The following BRDT variants were observed in gnomAD, a reference collection of about 807,000 sequenced individuals.
BRDT encodes bromodomain testis associated.
Under a neutral mutation model 113.9 loss-of-function variants are expected in BRDT, and 77 were observed. The ratio of observed to expected loss-of-function variants is 0.68; its 90% CI spans 0.56 to 0.82. BRDT has a LOEUF of 0.82. Ranked by LOEUF, BRDT falls within the 40% of genes least tolerant of loss-of-function variation. The probability of loss-of-function intolerance (pLI) is 0.00; values close to 1 mark genes in which losing one functional copy is unlikely to be tolerated. For synonymous variants in BRDT, 358 were observed against 366.5 expected (o/e 0.98, Z 0.26); for missense variants, 1,027 against 1,105.4 (o/e 0.93, Z 1.01).
At chr1:92,011,722 A>C (rs1188519432) in intron 18 of BRDT, among the ~76,000 whole-genome samples, 1 of 152,154 alleles carries the variant, frequency 6.6e-6, no homozygotes, top group Non-Finnish European at 1.5e-5. Context: ...CTAGGAACCC[A>C]CTGAAAGCTG....
At chr1:91,990,440 A>T (rs1685650984) in intron 12 of BRDT, among the ~76,000 whole-genome samples, 1 of 152,146 alleles carries the variant, frequency 6.6e-6, no homozygotes, top group South Asian at 2.1e-4. Flanking sequence ...CTTATAGTAA[A>T]TTCTTTATTT....
intron 1 of BRDT, among the ~76,000 whole-genome samples, chr1:91,961,107 TC>T (rs1366817703): frequency 6.6e-6 from 1 of 152,106 alleles, no homozygotes; most frequent in Non-Finnish European, 1.5e-5. Context: ...GGTCAGGAGT[TC>T]CAGACCAGCT....
chr1:91,975,123 G>C (rs1314176600), intron 4 of BRDT, among the ~76,000 whole-genome samples: 1 of 152,082 alleles, frequency 6.6e-6, no homozygotes, highest in Non-Finnish European at 1.5e-5. Flanking sequence ...ACACACCGGG[G>C]CCTGTCGTGG....
At chr1:92,000,524 CTCT>C (rs1198744969) in intron 15 of BRDT, among the ~76,000 whole-genome samples, 3 of 152,192 alleles carry the variant, frequency 2.0e-5, no homozygotes, top group African/African-American at 2.4e-5. Context: ...GTTCCTTGCT[CTCT>C]TCTTCTAACC....
chr1:91,977,474 A>G, intron 6 of BRDT, 81 bp downstream of exon 6: 1 of 1,200,774 alleles, frequency 8.3e-7, no homozygotes, highest in Non-Finnish European at 1.2e-6. Flanking sequence ...CTTAAAATCT[A>G]GAAAAAGATG....
chr1:91,962,778 A>T lies in BRDT; in HGVS notation c.24A>T (p.Thr8=), dbSNP rs1161986971. ...GAATGTCTCTGCCAAGTCGACAAAC[A>T]GCTATTATTGTTAACCCTCCTCCAC... The part of the protein sequence containing the change: MSLPSRQ[T]AIIVNPPPPE... Residue 8 remains threonine (T), a synonymous_variant, in exon 2 of 19, where the codon ACA becomes ACT. Coordinates refer to ENST00000399546, the MANE Select transcript of BRDT (RefSeq NM_207189.4). 6.3e-7 allele frequency: 1 copy of T among 1,596,782 alleles called. No individual in the cohort carries two copies. Among genetic ancestry groups the T allele is most frequent in the East Asian group, 2.2e-5 (1 of 44,470 alleles).
chr1:92,000,511 G>A (rs968202339), intron 15 of BRDT, among the ~76,000 whole-genome samples: 1 of 152,158 alleles, frequency 6.6e-6, no homozygotes, highest in African/African-American at 2.4e-5. Flanking sequence ...GCTATTCCTT[G>A]ATGTTCCTTG....
At chr1:92,013,565 G>A (rs943900194) in intron 18 of BRDT, among the ~76,000 whole-genome samples, 4 of 152,166 alleles carry the variant, frequency 2.6e-5, no homozygotes, top group Non-Finnish European at 4.4e-5. Flanking sequence ...GTTAGAAAAG[G>A]CTTCAGAATA....
intron 1 of BRDT, among the ~76,000 whole-genome samples, chr1:91,953,185 T>C (rs908608389): frequency 6.6e-6 from 1 of 150,756 alleles, no homozygotes; most frequent in African/African-American, 2.4e-5. Flanking sequence ...CAGAAACTAT[T>C]TTCTCCCTTG....
chr1:91,950,989 C>T (rs922012083), intron 1 of BRDT, among the ~76,000 whole-genome samples: 5 of 150,742 alleles, frequency 3.3e-5, no homozygotes, highest in African/African-American at 4.9e-5. Flanking sequence ...GATCGGGCCA[C>T]TGCACTCTAG....
At chr1:92,013,354 T>A (rs1363396331) in intron 18 of BRDT, among the ~76,000 whole-genome samples, 4 of 152,210 alleles carry the variant, frequency 2.6e-5, no homozygotes, top group African/African-American at 9.6e-5. Context: ...TTTCAGTAGG[T>A]AAATCACAAT....
intron 15 of BRDT, among the ~76,000 whole-genome samples, chr1:91,998,309 G>A (rs887226376): frequency 1.3e-5 from 2 of 152,024 alleles, no homozygotes; most frequent in African/African-American, 4.8e-5. Context: ...TGAACACTGA[G>A]AGCACATGGA....
intron 4 of BRDT, among the ~76,000 whole-genome samples, chr1:91,968,584 T>C (rs1278162341): frequency 1.3e-5 from 2 of 152,186 alleles, no homozygotes; most frequent in Non-Finnish European, 2.9e-5. Context: ...CTGATAAGAA[T>C]GCCCAAATTG....
rs1338740638 is a variant in BRDT, at chr1:91,984,052, TGTTA to T, written c.2002+2301_2002+2304del. On this transcript the variant is annotated intron_variant, in intron 12 of 18. Transcript: ENST00000399546. ...ACAAGGTCAATTTGTCTTCTGATAA[TGTTA>T]GTTGTTTATTTTTGAAATTTTAATT... Among the ~76,000 whole-genome samples, 48 of 152,380 alleles carry T rather than the reference TGTTA, an allele frequency of 3.2e-4. No individual in the cohort carries two copies. The East Asian group carries it at 5.4e-3, about 17-fold the overall frequency.
At chr1:91,952,932 G>C (rs887322853) in intron 1 of BRDT, among the ~76,000 whole-genome samples, 1 of 152,026 alleles carries the variant, frequency 6.6e-6, no homozygotes, top group African/African-American at 2.4e-5. Flanking sequence ...TCATTGTAAG[G>C]AATATTGTAA....
intron 14 of BRDT, 88 bp from the exon 15 acceptor site, chr1:91,993,995 T>C (rs1373734588): frequency 1.9e-6 from 2 of 1,071,526 alleles, no homozygotes; most frequent in Admixed American, 2.9e-5. Context: ...AGCATTAAAT[T>C]ATATTCTTGA....
At chr1:92,011,668 T>C (rs1247113188) in intron 18 of BRDT, among the ~76,000 whole-genome samples, 3 of 152,164 alleles carry the variant, frequency 2.0e-5, no homozygotes, top group African/African-American at 7.2e-5. Context: ...GGTAACCTGA[T>C]AAATTTCCCA....
intron 15 of BRDT, among the ~76,000 whole-genome samples, chr1:92,001,838 CAAAA>C (rs1262016881): frequency 2.6e-5 from 4 of 151,674 alleles, no homozygotes; most frequent in African/African-American, 9.7e-5. Flanking sequence ...GCAAAAATAA[CAAAA>C]AAAGAGCAAA....
At chr1:91,962,388 C>T (rs895786130) in intron 1 of BRDT, among the ~76,000 whole-genome samples, 1 of 151,522 alleles carries the variant, frequency 6.6e-6, no homozygotes, top group Non-Finnish European at 1.5e-5. Flanking sequence ...GGCTGTAGTG[C>T]AATGGCACGA....
Sources: gnomAD v4.1 joint callset for allele counts (sites outside exome capture counted in the v4.1 genomes callset) on GRCh38, gnomAD v4.1.1 for gene constraint, MANE v1.5 for transcripts, NCBI Gene and HGNC (gene_info 2026-07-23, HGNC 2026-07-21) for gene names.